The following RORB variants were observed in gnomAD, a reference collection of about 807,000 sequenced individuals.
RORB encodes the protein RAR related orphan receptor B, also known as nuclear receptor ROR-beta.
RORB carries 6 observed loss-of-function variants against 59.1 expected under a neutral mutation model. The observed-to-expected ratio is 0.10, with a 90% CI of 0.06 to 0.20. The LOEUF (loss-of-function observed/expected upper bound fraction) is 0.20. Ranked by LOEUF, RORB falls within the 10% of genes least tolerant of loss-of-function variation. RORB has a pLI of 1.00. For missense variants in RORB, 320 were observed against 560.5 expected (o/e 0.57, Z 4.33); for synonymous variants, 215 against 204.5 (o/e 1.05, Z -0.44).
At chr9:74,611,408 C>G (rs1031846073) in intron 1 of RORB, among the ~76,000 whole-genome samples, 1 of 152,118 alleles carries the variant, frequency 6.6e-6, no homozygotes, top group Non-Finnish European at 1.5e-5. Flanking sequence ...CACTTAGAAC[C>G]AACTATGATT....
chr9:74,660,384 C>T (rs1044911031), intron 4 of RORB, among the ~76,000 whole-genome samples: 2 of 151,862 alleles, frequency 1.3e-5, no homozygotes, highest in Non-Finnish European at 2.9e-5. Context: ...TGTAAAACCC[C>T]TAAGTTGTGA....
At chr9:74,510,753 A>G (rs1015676678) in intron 1 of RORB, among the ~76,000 whole-genome samples, 5 of 152,196 alleles carry the variant, frequency 3.3e-5, no homozygotes, top group Non-Finnish European at 2.9e-5. Context: ...AAATTGTACC[A>G]GATCAAAAAT....
intron 1 of RORB, among the ~76,000 whole-genome samples, chr9:74,623,441 C>CTTTTT (rs35945048): frequency 2.1e-5 from 3 of 145,456 alleles, no homozygotes; most frequent in Non-Finnish European, 4.5e-5. Context: ...TTTTCTCTCT[C>CTTTTT]TTTTTTTTTT....
intron 1 of RORB, among the ~76,000 whole-genome samples, chr9:74,549,448 A>C (rs2118156173): frequency 6.8e-6 from 1 of 147,276 alleles, no homozygotes; most frequent in South Asian, 2.2e-4. Context: ...CGTCAAAAAA[A>C]AAAAAAGAAG....
At chr9:74,498,197 G>C (rs1157575531) in intron 1 of RORB, 5 of 613,596 alleles carry the variant, frequency 8.1e-6, no homozygotes, top group Admixed American at 2.8e-5. Flanking sequence ...AGGGACGCGG[G>C]AGGGCGCTTT....
intron 9 of RORB, among the ~76,000 whole-genome samples, chr9:74,673,271 G>A (rs1824378355): frequency 6.6e-6 from 1 of 152,148 alleles, no homozygotes; most frequent in Admixed American, 6.5e-5. Context: ...AATACATCTT[G>A]TTAATTAATG....
chr9:74,545,683 A>G (rs1826475727), intron 1 of RORB, among the ~76,000 whole-genome samples: 1 of 152,222 alleles, frequency 6.6e-6, no homozygotes, highest in African/African-American at 2.4e-5. Flanking sequence ...GGAGAGAAAG[A>G]AGTTCCCAGG....
At chr9:74,519,852 T>C (rs1370315858) in intron 1 of RORB, among the ~76,000 whole-genome samples, 1 of 152,038 alleles carries the variant, frequency 6.6e-6, no homozygotes, top group Non-Finnish European at 1.5e-5. Flanking sequence ...AAAACATGCC[T>C]GACAAGCTGT....
At chr9:74,584,670 A>T (rs1198524383) in intron 1 of RORB, among the ~76,000 whole-genome samples, 3 of 152,164 alleles carry the variant, frequency 2.0e-5, no homozygotes, top group African/African-American at 7.2e-5. Context: ...AAAGCCATTA[A>T]TGGAACACAC....
intron 1 of RORB, among the ~76,000 whole-genome samples, chr9:74,524,799 C>T (rs1826133897): frequency 6.6e-6 from 1 of 151,628 alleles, no homozygotes; most frequent in Non-Finnish European, 1.5e-5. Flanking sequence ...TATTATATAG[C>T]CTGCAAAGAT....
intron 1 of RORB, among the ~76,000 whole-genome samples, chr9:74,552,224 A>G (rs922425562): frequency 6.6e-6 from 1 of 152,166 alleles, no homozygotes; most frequent in Non-Finnish European, 1.5e-5. Context: ...GGTAATGAGA[A>G]TCTCATCAGT....
intron 8 of RORB, among the ~76,000 whole-genome samples, chr9:74,668,107 A>G (rs1824295833): frequency 6.6e-6 from 1 of 152,234 alleles, no homozygotes; most frequent in African/African-American, 2.4e-5. Flanking sequence ...AAGCAAGAGT[A>G]GAGCATAGGT....
chr9:74,658,696 T>C (rs1384625572), intron 4 of RORB, among the ~76,000 whole-genome samples: 2 of 152,180 alleles, frequency 1.3e-5, no homozygotes, highest in Non-Finnish European at 2.9e-5. Flanking sequence ...AAAGCAAATA[T>C]GTTTTTTTAG....
chr9:74,505,591 G>C (rs1385083340), intron 1 of RORB, among the ~76,000 whole-genome samples: 1 of 152,074 alleles, frequency 6.6e-6, no homozygotes, highest in East Asian at 1.9e-4. Context: ...AATGGAACAT[G>C]GCAAGGACGC....
chr9:74,619,476 G>C (rs11144026), intron 1 of RORB, among the ~76,000 whole-genome samples: 19,285 of 152,142 alleles, frequency 0.13, 1,482 homozygotes, highest in Admixed American at 0.19. Context: ...TTTTGAGTTG[G>C]AGTCTTACTC....
At position 74,576,300 on chromosome 9, in the gene RORB, G is replaced by A. The variant is rs1228724144; in HGVS notation, c.8-53982G>A. ...TTTGGGACCATGTACACCCATCCTG[G>A]CTCCTGTCTGTAACAGCTAATCACC... On this transcript the variant is annotated intron_variant, in intron 1 of 9. Coordinates refer to ENST00000376896, the MANE Select transcript of RORB (RefSeq NM_006914.4). 2.0e-4 allele frequency among the ~76,000 whole-genome samples: 30 copies of A among 152,176 alleles called. No individual in the cohort carries two copies. The East Asian group carries it at 5.4e-3, about 27-fold the overall frequency.
chr9:74,672,290 C>CA (rs1824359805), intron 9 of RORB, among the ~76,000 whole-genome samples: 1 of 151,848 alleles, frequency 6.6e-6, no homozygotes, highest in Admixed American at 6.6e-5. Flanking sequence ...GATTTTTATT[C>CA]AAAAAAAGAA....
chr9:74,503,744 G>A (rs1038614545), intron 1 of RORB, among the ~76,000 whole-genome samples: 8 of 151,964 alleles, frequency 5.3e-5, no homozygotes, highest in South Asian at 2.1e-4. Context: ...CCTTTGTAGC[G>A]CAAGACAAAG....
At position 74,685,854 on chromosome 9, in the gene RORB, G is replaced by A. The variant is rs183515640; in HGVS notation, c.*236G>A. 29 of 310,952 alleles carry A rather than the reference G, an allele frequency of 9.3e-5. No individual in the cohort carries two copies. Among genetic ancestry groups the A allele is most frequent in the African/African-American group, 5.8e-4 (27 of 46,758 alleles). 19.3% of individuals were successfully genotyped at this position (310,952 alleles called of 1,614,324 possible). A position where few individuals can be genotyped will look rare whatever the true frequency, so the allele number is the denominator to read the frequency against. On this transcript the variant is annotated 3_prime_UTR_variant, in exon 10 of 10. Transcript: ENST00000376896. ...ATAAATATACAAATATAGGACACTG[G>A]GTGTTATCCTTTTTTTAATTTTATT...
Sources: gnomAD v4.1 joint callset for allele counts (sites outside exome capture counted in the v4.1 genomes callset) on GRCh38, gnomAD v4.1.1 for gene constraint, MANE v1.5 for transcripts, NCBI Gene and HGNC (gene_info 2026-07-23, HGNC 2026-07-21) for gene names.